Variants in SLAMF9 observed in about 807,000 individuals in gnomAD.
SLAMF9 encodes the protein CD2 family member 10.
SLAMF9 carries 25 observed loss-of-function variants against 30.4 expected under a neutral mutation model. The observed-to-expected ratio is 0.82, with a 90% confidence interval of 0.60 to 1.15. The LOEUF is 1.15. Among genes scored for constraint, SLAMF9 ranks in the 50% most tolerant of loss-of-function variants. The pLI, the probability that SLAMF9 is intolerant of heterozygous loss-of-function variation, is 0.00. For synonymous variants in SLAMF9, 129 were observed against 127.2 expected, an observed-to-expected ratio of 1.01 and a Z score of -0.09; for missense variants, 344 against 346.1, an observed-to-expected ratio of 0.99 and a Z score of 0.05.
At chr1:159,973,391 C>T in the SLAMF9 span, 229 of 509,748 alleles carry the variant, frequency 4.5e-4, 1 homozygote, top group African/African-American at 3.5e-3. Context: ...GGAACCCCAA[C>T]GGGAGGCAGT....
At chr1:159,959,463 G>T in the SLAMF9 span, among the ~76,000 whole-genome samples, 1 of 151,994 alleles carries the variant, frequency 6.6e-6, no homozygotes, top group Admixed American at 6.5e-5. Context: ...TGTGTCTCAT[G>T]GGTGGCCCTT....
At chr1:159,967,618 G>C in the SLAMF9 span, among the ~76,000 whole-genome samples, 1 of 152,076 alleles carries the variant, frequency 6.6e-6, no homozygotes, top group African/African-American at 2.4e-5. Context: ...CTTAAGGATT[G>C]TTTTTCTATT....
the SLAMF9 span, among the ~76,000 whole-genome samples, chr1:159,975,721 A>G: frequency 6.6e-6 from 1 of 152,200 alleles, no homozygotes; most frequent in Non-Finnish European, 1.5e-5. Context: ...AAACAATGGC[A>G]GTGAGGTGAA....
At chr1:159,964,056 T>C in the SLAMF9 span, among the ~76,000 whole-genome samples, 1 of 152,052 alleles carries the variant, frequency 6.6e-6, no homozygotes, top group Non-Finnish European at 1.5e-5. Flanking sequence ...CAAGATTCTG[T>C]CTCAAAAAAC....
At chr1:159,962,556 G>A in the SLAMF9 span, among the ~76,000 whole-genome samples, 1 of 152,112 alleles carries the variant, frequency 6.6e-6, no homozygotes, top group Non-Finnish European at 1.5e-5. Flanking sequence ...CAGAAGACAG[G>A]AGGGAACTGA....
At chr1:159,978,771 G>A in the SLAMF9 span, 1 of 152,216 alleles carries the variant, frequency 6.6e-6, no homozygotes, top group African/African-American at 2.4e-5. Context: ...CTCCCCACCA[G>A]AAAGTCCTTG....
At chr1:159,955,158 A>G (rs1186377657), upstream of SLAMF9, among the ~76,000 whole-genome samples, 1 of 152,184 alleles carries the variant, frequency 6.6e-6, no homozygotes, top group African/African-American at 2.4e-5. Flanking sequence ...ATATTATGAA[A>G]AGACTTTAAA....
the SLAMF9 span, chr1:159,977,060 C>T: frequency 1.3e-5 from 2 of 152,064 alleles, no homozygotes; most frequent in Non-Finnish European, 2.9e-5. Context: ...AAAAGATGAA[C>T]AACATGACCG....
the SLAMF9 span, among the ~76,000 whole-genome samples, chr1:159,978,214 G>GACA: frequency 1.3e-5 from 2 of 152,084 alleles, no homozygotes; most frequent in Admixed American, 6.5e-5. Context: ...AGGGCCAGGT[G>GACA]AGACCTCAGT....
chr1:159,963,596 A>G, the SLAMF9 span, among the ~76,000 whole-genome samples: 5 of 152,172 alleles, frequency 3.3e-5, no homozygotes, highest in Admixed American at 6.5e-5. Context: ...ATGCACATAC[A>G]TACCCTTTCC....
At chr1:159,974,066 T>C in the SLAMF9 span, 81 of 1,587,784 alleles carry the variant, frequency 5.1e-5, 1 homozygote, top group Admixed American at 2.8e-4. Flanking sequence ...ACAGCCAGGC[T>C]GCAAGGCAGA....
the SLAMF9 span, among the ~76,000 whole-genome samples, chr1:159,960,222 G>T: frequency 7.4e-6 from 1 of 134,388 alleles, no homozygotes; most frequent in Non-Finnish European, 1.5e-5. Context: ...GTGTCCAAGT[G>T]TTCTCATTGT....
chr1:159,968,952 G>A, the SLAMF9 span, among the ~76,000 whole-genome samples: 1 of 152,076 alleles, frequency 6.6e-6, no homozygotes, highest in East Asian at 1.9e-4. Flanking sequence ...TGAGGCAGGA[G>A]AACCACTTGA....
rs141914707 is a variant in SLAMF9, at chr1:159,951,630, C to T, written c.*31G>A. 1.2e-3 allele frequency: 1,981 copies of T among 1,607,688 alleles called. 21 individuals carry two copies. The African/African-American group carries it at 0.024, about 20-fold the overall frequency. On this transcript the variant is annotated 3_prime_UTR_variant, in exon 4 of 4. Coordinates refer to ENST00000368093, the MANE Select transcript of SLAMF9 (RefSeq NM_033438.4). ...GATTCTCTGGGTGCTGGGAAGAAAC[C>T]AAGCTCAGGACTGGGGTTCCCAAGG...
chr1:159,973,321 G>A, the SLAMF9 span: 1 of 614,960 alleles, frequency 1.6e-6, no homozygotes. Context: ...GGGGAGTCCT[G>A]GATGATAAAG....
At chr1:159,964,018 C>T in the SLAMF9 span, among the ~76,000 whole-genome samples, 1 of 152,150 alleles carries the variant, frequency 6.6e-6, no homozygotes. Context: ...AGAGATCACG[C>T]CACTACACTC....
chr1:159,962,907 G>A, the SLAMF9 span, among the ~76,000 whole-genome samples: 3 of 152,134 alleles, frequency 2.0e-5, no homozygotes, highest in African/African-American at 7.2e-5. Flanking sequence ...GATAAGTTAT[G>A]GTTACCCTAG....
the SLAMF9 span, chr1:159,983,572 T>G: frequency 1.3e-5 from 2 of 152,230 alleles, no homozygotes; most frequent in East Asian, 3.8e-4. Context: ...TACTTGCAAC[T>G]AAGAAGTTTT....
chr1:159,981,105 T>C, the SLAMF9 span, among the ~76,000 whole-genome samples: 1 of 152,088 alleles, frequency 6.6e-6, no homozygotes, highest in Non-Finnish European at 1.5e-5. Context: ...TCTCGGAATG[T>C]GATTGTATTT....
Sources: allele counts gnomAD v4.1 joint callset (sites outside exome capture counted in the v4.1 genomes callset), GRCh38; gene constraint gnomAD v4.1.1; transcripts MANE v1.5; gene names NCBI Gene and HGNC (gene_info 2026-07-23, HGNC 2026-07-21).